GALNTL6: variants seen among roughly 807,000 people sequenced by gnomAD.
GALNTL6 encodes polypeptide N-acetylgalactosaminyltransferase-like 6.
In GALNTL6, 46 loss-of-function variants were observed where a neutral mutation model predicts 73.7. That is an observed-to-expected ratio of 0.62 (90% confidence interval 0.49 to 0.80). The LOEUF is 0.80. GALNTL6 is among the 30% of genes least tolerant of loss of function. The pLI is 0.00. For missense variants in GALNTL6, 604 were observed against 755.0 expected, an observed-to-expected ratio of 0.80 and a Z score of 2.34; for synonymous variants, 259 against 263.7, an observed-to-expected ratio of 0.98 and a Z score of 0.17.
At position 172,070,142 on chromosome 4, in the gene GALNTL6, A is replaced by G. The variant is rs894681105; in HGVS notation, c.139-159514A>G. 7.3e-5 allele frequency among the ~76,000 whole-genome samples: 8 copies of G among 109,600 alleles called. 3 individuals are homozygous for G. The highest frequency in any genetic ancestry group is 2.8e-4 in the African/African-American group (8 of 29,060). 71.9% of individuals were successfully genotyped at this position (109,600 alleles called of 152,430 possible). On this transcript the variant is annotated intron_variant, in intron 2 of 12. Transcript: ENST00000506823. ...GTGGTGTGTTCTGAAAACGGAAAGG[A>G]TGCATTCTGGCTGGAACAAAAAGAT...
At chr4:172,502,205 G>A (rs993690521) in intron 5 of GALNTL6, among the ~76,000 whole-genome samples, 4 of 152,210 alleles carry the variant, frequency 2.6e-5, no homozygotes, top group Admixed American at 2.6e-4. Context: ...TCTTTGTGAA[G>A]CTCAGAATAA....
intron 5 of GALNTL6, among the ~76,000 whole-genome samples, chr4:172,356,715 C>T (rs1742174884): frequency 1.3e-5 from 2 of 152,104 alleles, no homozygotes; most frequent in South Asian, 2.1e-4. Context: ...TTGTAGGTGA[C>T]ATGGTACATT....
At chr4:172,706,359 A>G (rs937511424) in intron 5 of GALNTL6, among the ~76,000 whole-genome samples, 3 of 152,122 alleles carry the variant, frequency 2.0e-5, no homozygotes, top group Non-Finnish European at 2.9e-5. Context: ...CTGAATTTAT[A>G]TGACAAATCT....
At chr4:172,363,950 A>T (rs1034614161) in intron 5 of GALNTL6, among the ~76,000 whole-genome samples, 1 of 152,232 alleles carries the variant, frequency 6.6e-6, no homozygotes, top group Non-Finnish European at 1.5e-5. Context: ...AAGCTCAGAG[A>T]AACAAACTAT....
intron 5 of GALNTL6, among the ~76,000 whole-genome samples, chr4:172,780,129 A>T (rs10866360): frequency 0.52 from 74,623 of 143,510 alleles, 19,794 homozygotes; most frequent in East Asian, 0.79. Flanking sequence ...TTTTTTTTTT[A>T]AAGTAGTGCA....
chr4:172,182,655 AG>A (rs1194666866), intron 2 of GALNTL6, among the ~76,000 whole-genome samples: 1 of 151,360 alleles, frequency 6.6e-6, no homozygotes, highest in Non-Finnish European at 1.5e-5. Context: ...AATCATTTCT[AG>A]GGGGGAGTAA....
intron 2 of GALNTL6, among the ~76,000 whole-genome samples, chr4:172,062,754 T>C (rs562331545): frequency 6.6e-6 from 1 of 152,250 alleles, no homozygotes; most frequent in Admixed American, 6.5e-5. Context: ...ATGAAATCAG[T>C]GATGTTGTAC....
intron 7 of GALNTL6, among the ~76,000 whole-genome samples, chr4:172,874,842 T>G (rs1745110938): frequency 6.6e-6 from 1 of 152,184 alleles, no homozygotes; most frequent in Non-Finnish European, 1.5e-5. Context: ...AAAGACTTTG[T>G]GAAGCTCGGG....
rs1287182911 is a variant in GALNTL6, at chr4:173,010,806, C to T, written c.1488+1512C>T. On this transcript the variant is annotated intron_variant, in intron 11 of 12. Coordinates refer to ENST00000506823, the MANE Select transcript of GALNTL6 (RefSeq NM_001034845.3). Reference sequence around the variant, plus strand: ...TTTTTTAGTAGAGACAGGGGTTCACCATGTTGGCCAGAATGGTCTCGATCT... The same window carrying T: ...TTTTTTAGTAGAGACAGGGGTTCACTATGTTGGCCAGAATGGTCTCGATCT... 3.4e-5 allele frequency among the ~76,000 whole-genome samples: 5 copies of T among 149,164 alleles called. No homozygotes were observed. The East Asian group carries it at 5.9e-4, about 18-fold the overall frequency.
At chr4:172,253,111 A>G (rs2111018845) in intron 3 of GALNTL6, among the ~76,000 whole-genome samples, 1 of 152,136 alleles carries the variant, frequency 6.6e-6, no homozygotes, top group East Asian at 1.9e-4. Flanking sequence ...ATAAAATAAT[A>G]AGCATTATTT....
intron 2 of GALNTL6, among the ~76,000 whole-genome samples, chr4:172,016,216 C>T (rs1741189626): frequency 6.6e-6 from 1 of 151,800 alleles, no homozygotes; most frequent in Admixed American, 6.6e-5. Flanking sequence ...TAGGTTTGGC[C>T]ACTTAACATA....
At chr4:172,535,405 A>G (rs1279649612) in intron 5 of GALNTL6, among the ~76,000 whole-genome samples, 2 of 152,242 alleles carry the variant, frequency 1.3e-5, no homozygotes, top group East Asian at 1.9e-4. Flanking sequence ...TCATTGCTTC[A>G]GAGCCACACC....
chr4:172,972,270 C>T (rs1750616194), intron 10 of GALNTL6, among the ~76,000 whole-genome samples: 2 of 152,086 alleles, frequency 1.3e-5, no homozygotes, highest in South Asian at 4.2e-4. Flanking sequence ...ATGTATAGAA[C>T]CTAAACCATG....
At chr4:172,291,717 T>A (rs944706739) in intron 3 of GALNTL6, among the ~76,000 whole-genome samples, 2 of 151,884 alleles carry the variant, frequency 1.3e-5, no homozygotes, top group Admixed American at 6.6e-5. Context: ...ATCACGCTTA[T>A]CCCGCCACCC....
At chr4:172,916,096 G>C (rs1747491916) in intron 8 of GALNTL6, among the ~76,000 whole-genome samples, 1 of 152,156 alleles carries the variant, frequency 6.6e-6, no homozygotes, top group Non-Finnish European at 1.5e-5. Context: ...TTCAACATAT[G>C]CAAATCAATA....
chr4:172,126,837 CTGAAACCTCAT>C (rs1199618251), intron 2 of GALNTL6, among the ~76,000 whole-genome samples: 1 of 152,168 alleles, frequency 6.6e-6, no homozygotes, highest in Non-Finnish European at 1.5e-5. Context: ...CTCCATATTT[CTGAAACCTCAT>C]TGACATTCCC....
intron 5 of GALNTL6, among the ~76,000 whole-genome samples, chr4:172,714,022 G>A (rs1165886332): frequency 6.6e-6 from 1 of 152,120 alleles, no homozygotes; most frequent in Non-Finnish European, 1.5e-5. Context: ...TTCAAGACCA[G>A]CCTGGTCAAC....
intron 2 of GALNTL6, among the ~76,000 whole-genome samples, chr4:172,059,099 A>T (rs1292974629): frequency 6.6e-6 from 1 of 152,220 alleles, no homozygotes; most frequent in Non-Finnish European, 1.5e-5. Context: ...TTGTGCAAGT[A>T]AGCAGATTTC....
At chr4:172,012,022 G>T (rs1445462388) in intron 2 of GALNTL6, among the ~76,000 whole-genome samples, 2 of 151,902 alleles carry the variant, frequency 1.3e-5, no homozygotes, top group Admixed American at 1.3e-4. Context: ...TTTCAGGTGG[G>T]CAATAAAGAT....
Sources: allele counts gnomAD v4.1 joint callset (sites outside exome capture counted in the v4.1 genomes callset), GRCh38; gene constraint gnomAD v4.1.1; transcripts MANE v1.5; gene names NCBI Gene and HGNC (gene_info 2026-07-23, HGNC 2026-07-21).